PARD6B: variants seen among roughly 807,000 people sequenced by gnomAD.
The protein encoded by PARD6B is par-6 family cell polarity regulator beta, also known as partitioning defective 6 homolog beta.
In PARD6B, 4 loss-of-function variants were observed where a neutral mutation model predicts 10.5. That is an observed-to-expected ratio of 0.38 (90% confidence interval 0.19 to 0.87). PARD6B has a LOEUF of 0.87. Ranked by LOEUF, PARD6B falls within the 40% of genes least tolerant of loss-of-function variation. PARD6B has a pLI of 0.41. For synonymous variants in PARD6B, 169 were observed against 170.4 expected (o/e 0.99, Z 0.07); for missense variants, 396 against 470.6 (o/e 0.84, Z 1.47).
At chr20:50,744,389 C>CA (rs1227257788) in intron 2 of PARD6B, among the ~76,000 whole-genome samples, 2 of 152,060 alleles carry the variant, frequency 1.3e-5, no homozygotes. Flanking sequence ...GCTGGGATTA[C>CA]AAGTGTGACC....
chr20:50,736,241 C>A (rs1169309643), intron 1 of PARD6B, among the ~76,000 whole-genome samples: 1 of 152,110 alleles, frequency 6.6e-6, no homozygotes, highest in African/African-American at 2.4e-5. Context: ...TCCAGATGTC[C>A]CATGGGACCT....
At position 50,749,964 on chromosome 20, in the gene PARD6B, C is replaced by G; in HGVS notation, c.595C>G (p.Pro199Ala). 1 of 1,614,124 alleles carries G rather than the reference C, an allele frequency of 6.2e-7. No homozygotes were observed. The highest frequency in any genetic ancestry group is 1.6e-4 in the Middle Eastern group (1 of 6,062). Reference sequence around the variant, plus strand: ...AGGGATCTTTATATCCAGGCTTGTCCCAGGAGGTCTGGCTCAAAGTACAGG... The same window carrying G: ...AGGGATCTTTATATCCAGGCTTGTCGCAGGAGGTCTGGCTCAAAGTACAGG... ...VPGIFISRLV[P>A]GGLAQSTGLL... Residue 199 changes from proline to alanine, a missense_variant, in exon 3 of 3, where the codon CCA (proline) becomes GCA (alanine). Transcript: ENST00000371610.
At chr20:50,749,139 C>A (rs900967023) in intron 2 of PARD6B, among the ~76,000 whole-genome samples, 9 of 152,078 alleles carry the variant, frequency 5.9e-5, no homozygotes, top group Non-Finnish European at 1.3e-4. Flanking sequence ...GTCAGGAAAT[C>A]GAGACCATCC....
intron 2 of PARD6B, among the ~76,000 whole-genome samples, chr20:50,746,482 A>G (rs1250549951): frequency 6.6e-6 from 1 of 152,230 alleles, no homozygotes; most frequent in African/African-American, 2.4e-5. Context: ...TCAAGTTTTC[A>G]AACTTTCCAT....
At chr20:50,733,265 C>A (rs567073962) in intron 1 of PARD6B, among the ~76,000 whole-genome samples, 60 of 152,196 alleles carry the variant, frequency 3.9e-4, no homozygotes, top group African/African-American at 1.4e-3. Flanking sequence ...ACTAAAAATA[C>A]AAAAAATTTT....
intron 2 of PARD6B, among the ~76,000 whole-genome samples, chr20:50,744,333 C>G (rs1332771632): frequency 2.0e-5 from 3 of 151,836 alleles, no homozygotes; most frequent in Non-Finnish European, 2.9e-5. Context: ...AGGCTGCTTG[C>G]GAACTCCCGA....
intron 2 of PARD6B, among the ~76,000 whole-genome samples, chr20:50,744,632 ACTCCCTCCCTCC>A (rs371678670): frequency 2.8e-5 from 4 of 143,630 alleles, no homozygotes; most frequent in African/African-American, 7.8e-5. Context: ...TCAGCTCCTG[ACTCCCTCCCTCC>A]CTCCCTCCCT....
At chr20:50,737,202 C>T (rs895113299) in intron 1 of PARD6B, among the ~76,000 whole-genome samples, 1 of 152,200 alleles carries the variant, frequency 6.6e-6, no homozygotes, top group African/African-American at 2.4e-5. Context: ...AATTGGTGAG[C>T]TTCTGGAGCA....
Position 50,732,055 on chromosome 20 carries a change from G to T in PARD6B, c.66+203G>T, listed in dbSNP as rs184256832. 5.9e-5 allele frequency among the ~76,000 whole-genome samples: 9 copies of T among 152,384 alleles called. No homozygotes were observed. The East Asian group carries it at 1.7e-3, about 29-fold the overall frequency. ...GGGCGCTAGTGTCCGCCCCTGGCCC[G>T]GGCAGGAAGAAGACCTAGTCCAGCA... is the stretch of plus-strand genomic sequence containing the variant. On this transcript the variant is annotated intron_variant, in intron 1 of 2. Transcript: ENST00000371610.
In PARD6B at chr20:50,752,831, C is replaced by A; in HGVS notation, c.*2343C>A. 2 of 979,540 alleles carry A rather than the reference C, an allele frequency of 2.0e-6. No homozygotes were observed. Among genetic ancestry groups the A allele is most frequent in the Non-Finnish European group, 2.4e-6 (2 of 824,212 alleles). 60.7% of individuals were successfully genotyped at this position (979,540 alleles called of 1,614,324 possible). ...TTCACATTACCACTAAGCATATTAT[C>A]AGTAAACTATTAACTGACTGCACAT... On this transcript the variant is annotated 3_prime_UTR_variant, in exon 3 of 3. Transcript: ENST00000371610.
At chr20:50,746,370 A>G (rs761154593) in intron 2 of PARD6B, among the ~76,000 whole-genome samples, 1 of 152,252 alleles carries the variant, frequency 6.6e-6, no homozygotes, top group Non-Finnish European at 1.5e-5. Flanking sequence ...AGCCGAGATC[A>G]TTGGCTGAAG....
chr20:50,748,045 A>C (rs2087579055), intron 2 of PARD6B, among the ~76,000 whole-genome samples: 1 of 152,206 alleles, frequency 6.6e-6, no homozygotes, highest in South Asian at 2.1e-4. Flanking sequence ...AAAATGAGAG[A>C]TCAAGAATTC....
At position 50,749,919 on chromosome 20, in the gene PARD6B, C is replaced by T. The variant is rs2087590476; in HGVS notation, c.550C>T (p.His184Tyr). 4 of 1,614,236 alleles carry T rather than the reference C, an allele frequency of 2.5e-6. No individual in the cohort carries two copies. Among genetic ancestry groups the T allele is most frequent in the Non-Finnish European group, 1.7e-6 (2 of 1,180,046 alleles). ...RDGSSVRVTP[H>Y]GLEKVPGIFI... The stretch of plus-strand genomic sequence containing the variant: ...TGGCTCCAGTGTCAGGGTAACACCA[C>T]ATGGCTTAGAAAAGGTTCCAGGGAT... The change falls in exon 3 of 3, where the codon CAT (histidine) becomes TAT (tyrosine). Residue 184 changes from histidine to tyrosine, a missense_variant. By Grantham distance (83) the His-to-Tyr change is moderately conservative. This residue lies in a region of PARD6B where 208 missense variants were observed against 300.9 expected (regional missense o/e 0.69). Transcript: ENST00000371610.
Position 50,750,020 on chromosome 20 carries a change from A to C in PARD6B, c.651A>C (p.Glu217Asp). 1 of 1,614,206 alleles carries C rather than the reference A, an allele frequency of 6.2e-7. No homozygotes were observed. Among genetic ancestry groups the C allele is most frequent in the Non-Finnish European group, 8.5e-7 (1 of 1,180,032 alleles). ...TAGCTGTTAATGATGAAGTTTTAGA[A>C]GTTAATGGCATAGAAGTTTCAGGGA... is the stretch of plus-strand genomic sequence containing the variant. ...GLLAVNDEVL[E>D]VNGIEVSGKS... The change falls in exon 3 of 3, where the codon GAA becomes GAC. Residue 217 changes from glutamate (E) to aspartate (D), a missense_variant. By Grantham distance (45) the Glu-to-Asp change is conservative. Coordinates refer to ENST00000371610, the MANE Select transcript of PARD6B (RefSeq NM_032521.3).
At chr20:50,733,254 T>C (rs1168507579) in intron 1 of PARD6B, among the ~76,000 whole-genome samples, 2 of 152,178 alleles carry the variant, frequency 1.3e-5, no homozygotes, top group African/African-American at 4.8e-5. Context: ...ACCCCATCTC[T>C]ACTAAAAATA....
At position 50,747,489 on chromosome 20, in the gene PARD6B, C is replaced by CTTTTTTTTTTTTTTTTTTTTTTTTTT. The variant is rs58629233; in HGVS notation, c.290-2147_290-2146insTTTTTTTTTTTTTTTTTTTTTTTTTT. 6.6e-4 allele frequency among the ~76,000 whole-genome samples: 22 copies of CTTTTTTTTTTTTTTTTTTTTTTTTTT among 33,348 alleles called. 1 individual carries two copies. The highest frequency in any genetic ancestry group is 1.4e-3 in the East Asian group (1 of 726). The allele number at this position is 33,348 out of a possible 152,430, so 21.9% of individuals were successfully genotyped here. On this transcript the variant is annotated intron_variant, in intron 2 of 2. Coordinates refer to ENST00000371610, the MANE Select transcript of PARD6B (RefSeq NM_032521.3). ...TTTCTTTTTCTTTTTTTCTTTCTTTCTTTTTTTTTTTTTTTTTTTTTTTGC... is the reference window on the plus strand; with the variant it reads ...TTTCTTTTTCTTTTTTTCTTTCTTTCTTTTTTTTTTTTTTTTTTTTTTTTTTTTTTTTTTTTTTTTTTTTTTTTTGC...
intron 2 of PARD6B, among the ~76,000 whole-genome samples, 156 bp from the exon 3 acceptor site, chr20:50,749,503 A>G (rs2087587753): frequency 1.3e-5 from 2 of 152,296 alleles, no homozygotes. Flanking sequence ...GCATTTTACT[A>G]CTGTACTAGA....
chr20:50,742,924 A>G (rs980119733), intron 2 of PARD6B, among the ~76,000 whole-genome samples: 1 of 152,128 alleles, frequency 6.6e-6, no homozygotes, highest in African/African-American at 2.4e-5. Flanking sequence ...AAGCACAAGA[A>G]ACCTGGTATC....
At chr20:50,741,014 G>C (rs1326054350) in intron 2 of PARD6B, among the ~76,000 whole-genome samples, 1 of 149,356 alleles carries the variant, frequency 6.7e-6, no homozygotes, top group Non-Finnish European at 1.5e-5. Flanking sequence ...AGGCTGGAGT[G>C]CAGTGGTGCA....
Sources: gnomAD v4.1 joint callset for allele counts (sites outside exome capture counted in the v4.1 genomes callset) on GRCh38, gnomAD v4.1.1 for gene constraint, gnomAD v4.1.1 regional missense constraint, MANE v1.5 for transcripts, NCBI Gene and HGNC (gene_info 2026-07-23, HGNC 2026-07-21) for gene names.